The following SAT1 variants were observed in gnomAD, a reference collection of about 807,000 sequenced individuals.
The protein encoded by SAT1 is diamine acetyltransferase 1.
SAT1 carries 1 observed loss-of-function variant against 14.7 expected under a neutral mutation model. The observed-to-expected ratio is 0.07, with a 90% CI of 0.02 to 0.32. The LOEUF is 0.32. SAT1 is among the 10% of genes least tolerant of loss of function. The pLI, the probability that SAT1 is intolerant of heterozygous loss-of-function variation, is 1.00. For synonymous variants in SAT1, 67 were observed against 46.1 expected, an observed-to-expected ratio of 1.45 and a Z score of -1.84; for missense variants, 77 against 129.1, an observed-to-expected ratio of 0.60 and a Z score of 1.96.
In SAT1 at chrX:23,783,329, G is replaced by A. The variant is rs200874370; in HGVS notation, c.-23G>A. On this transcript the variant is annotated 5_prime_UTR_variant, in exon 1 of 6. Transcript: ENST00000379270. ...CAAGTACAGGGGCCTGGTCCGCAAA[G>A]GGAAGAAAAGCAAAAGACGAAAATG... is the stretch of plus-strand genomic sequence containing the variant. The A allele has an allele frequency of 2.5e-6, 3 of 1,206,055 alleles. No homozygotes were observed. Among genetic ancestry groups the A allele is most frequent in the Non-Finnish European group, 3.4e-6 (3 of 890,406 alleles).
At chrX:23,784,030 A>G (rs745565799) in intron 3 of SAT1, 147 bp downstream of exon 3, 122 of 849,254 alleles carry the variant, frequency 1.4e-4, no homozygotes, top group Non-Finnish European at 1.8e-4. Context: ...ACTACTGAGG[A>G]AAAAAAAAAA....
rs980707369 is a variant in SAT1, at chrX:23,783,378, C to T, written c.27C>T (p.Ala9=). 1.7e-6 allele frequency: 2 copies of T among 1,209,842 alleles called. No individual in the cohort carries two copies. The highest frequency in any genetic ancestry group is 1.1e-6 in the Non-Finnish European group (1 of 894,862). ...TGGCTAAATTCGTGATCCGCCCAGC[C>T]ACTGCCGCCGACTGCAGTGACATAC... MAKFVIRP[A]TAADCSDILR... is the part of the protein sequence containing the mutation. Residue 9 remains alanine, a synonymous_variant, in exon 1 of 6, where the codon GCC becomes GCT. Transcript: ENST00000379270.
chrX:23,783,952 G>C, intron 3 of SAT1, 69 bp downstream of exon 3: 1 of 1,208,657 alleles, frequency 8.3e-7, no homozygotes, highest in Non-Finnish European at 1.1e-6. Context: ...CGGCTGTGTA[G>C]AACCACTGAC....
At chrX:23,784,039 A>G (rs189004882) in intron 3 of SAT1, 156 bp downstream of exon 3, 2 of 1,135,386 alleles carry the variant, frequency 1.8e-6, no homozygotes, top group African/African-American at 3.7e-5. Flanking sequence ...GAAAAAAAAA[A>G]ATTAGATATG....
At chrX:23,783,576 C>CCCCCATA in intron 1 of SAT1, 82 bp from the exon 2 acceptor site, 3 of 745,008 alleles carry the variant, frequency 4.0e-6, no homozygotes, top group Non-Finnish European at 5.9e-6. Context: ...CGCCCGCCCG[C>CCCCCATA]CCCATTCCGT....
intron 3 of SAT1, chrX:23,784,246 T>A (rs1365139991): frequency 1.2e-6 from 1 of 866,715 alleles, no homozygotes; most frequent in African/African-American, 2.1e-5. Flanking sequence ...ACAGTTTTTG[T>A]AATTGTGTTA....
chrX:23,783,493 C>T, intron 1 of SAT1, 76 bp downstream of exon 1: 2 of 1,011,583 alleles, frequency 2.0e-6, no homozygotes, highest in Non-Finnish European at 2.7e-6. Flanking sequence ...TGATTCACGT[C>T]TTGAGGTCTC....
chrX:23,785,895 G>C lies in SAT1; in HGVS notation c.*39G>C. On this transcript the variant is annotated 3_prime_UTR_variant, in exon 6 of 6. Coordinates refer to ENST00000379270, the MANE Select transcript of SAT1 (RefSeq NM_002970.4). ...AGATGACAACCTCCATTCTATTTTA[G>C]AATAAATTCCCAACTTCTCTTGCTT... 1 of 1,077,650 alleles carries C rather than the reference G, an allele frequency of 9.3e-7. No homozygotes were observed. Among genetic ancestry groups the C allele is most frequent in the Middle Eastern group, 2.5e-4 (1 of 3,930 alleles). 88.8% of individuals were successfully genotyped at this position (1,077,650 alleles called of 1,213,427 possible). A position where few individuals can be genotyped will look rare whatever the true frequency, so the allele number is the denominator to read the frequency against.
chrX:23,783,313 G>GGGCC lies in SAT1; in HGVS notation c.-38_-35dup. 8.5e-7 allele frequency: 1 copy of GGGCC among 1,175,771 alleles called. No individual in the cohort carries two copies. Among genetic ancestry groups the GGGCC allele is most frequent in the Non-Finnish European group, 1.2e-6 (1 of 863,180 alleles). On this transcript the variant is annotated 5_prime_UTR_variant, in exon 1 of 6. Coordinates refer to ENST00000379270, the MANE Select transcript of SAT1 (RefSeq NM_002970.4). ...ACCTCCTCCTACTGTTCAAGTACAG[G>GGGCC]GGCCTGGTCCGCAAAGGGAAGAAAA...
At position 23,785,347 on chromosome X, in the gene SAT1, T is replaced by C. The variant is rs1249592198; in HGVS notation, c.222T>C (p.Phe74=). 8.3e-7 allele frequency: 1 copy of C among 1,204,172 alleles called. No individual in the cohort carries two copies. Among genetic ancestry groups the C allele is most frequent in the Non-Finnish European group, 1.1e-6 (1 of 888,208 alleles). ...TTACAGGACACAGCATTGTTGGTTT[T>C]GCCATGTACTATTTTACCTATGACC... ...WTPEGHSIVG[F]AMYYFTYDPW... is the part of the protein sequence containing the mutation. The change falls in exon 4 of 6, where the codon TTT becomes TTC. Residue 74 remains phenylalanine, a synonymous_variant. Transcript: ENST00000379270.
chrX:23,785,156 A>T, intron 3 of SAT1, 172 bp from the exon 4 acceptor site: 1 of 460,271 alleles, frequency 2.2e-6, no homozygotes, highest in Non-Finnish European at 3.8e-6. Context: ...GAGATCATCC[A>T]GCAGTGGCCT....
rs1407952930 is a variant in SAT1, at chrX:23,783,441, C to G, written c.66+24C>G. The G allele has an allele frequency of 3.4e-6, 4 of 1,184,768 alleles. No homozygotes were observed. In the South Asian group the frequency reaches 7.2e-5, roughly 21 times the overall value. ...AGGTAGCGGAGAGCCAGAGCTCCTC[C>G]CGGGGCGTGGGGTGGAGGTGGCTCC... On this transcript the variant is annotated intron_variant, in intron 1 of 5. Transcript: ENST00000379270.
Position 23,786,029 on chromosome X carries a change from G to A in SAT1, c.*173G>A. The A allele has an allele frequency of 2.5e-6, 1 of 392,748 alleles. No homozygotes were observed. The highest frequency in any genetic ancestry group is 4.4e-6 in the Non-Finnish European group (1 of 228,331). 32.4% of individuals were successfully genotyped at this position (392,748 alleles called of 1,213,427 possible). On this transcript the variant is annotated 3_prime_UTR_variant, in exon 6 of 6. Transcript: ENST00000379270. ...AGGTCTGTTTAAAGTGGCAATCTCA[G>A]ATGCAGTTTGGAGAGTCAGATCTTT... is the stretch of plus-strand genomic sequence containing the variant.
At chrX:23,785,247 A>G (rs1303815749) in intron 3 of SAT1, 81 bp from the exon 4 acceptor site, 1 of 714,140 alleles carries the variant, frequency 1.4e-6, no homozygotes, top group East Asian at 3.2e-5. Context: ...TTTAAAACCT[A>G]TGATAGGCCT....
intron 1 of SAT1, 84 bp from the exon 2 acceptor site, chrX:23,783,574 C>CCCCCCCAAA: frequency 1.4e-6 from 1 of 718,046 alleles, no homozygotes; most frequent in Non-Finnish European, 2.0e-6. Flanking sequence ...CCCGCCCGCC[C>CCCCCCCAAA]GCCCCATTCC....
At chrX:23,783,574 C>CCCCCCCAAACCAAA in intron 1 of SAT1, 84 bp from the exon 2 acceptor site, 1 of 718,045 alleles carries the variant, frequency 1.4e-6, no homozygotes, top group Non-Finnish European at 2.0e-6. Context: ...CCCGCCCGCC[C>CCCCCCCAAACCAAA]GCCCCATTCC....
Position 23,785,903 on chromosome X carries a change from T to G in SAT1, c.*47T>G, listed in dbSNP as rs1277605307. On this transcript the variant is annotated 3_prime_UTR_variant, in exon 6 of 6. Transcript: ENST00000379270. Reference sequence around the variant, plus strand: ...ACCTCCATTCTATTTTAGAATAAATTCCCAACTTCTCTTGCTTTCTATGCT... The same window carrying G: ...ACCTCCATTCTATTTTAGAATAAATGCCCAACTTCTCTTGCTTTCTATGCT... The G allele has an allele frequency of 3.9e-6, 4 of 1,028,883 alleles. No homozygotes were observed. The highest frequency in any genetic ancestry group is 5.2e-6 in the Non-Finnish European group (4 of 762,593). 84.8% of individuals were successfully genotyped at this position (1,028,883 alleles called of 1,213,427 possible). A position where few individuals can be genotyped will look rare whatever the true frequency, so the allele number is the denominator to read the frequency against.
intron 3 of SAT1, among the ~76,000 whole-genome samples, chrX:23,784,567 C>CTT (rs1569214006): frequency 2.6e-5 from 1 of 37,823 alleles, no homozygotes; most frequent in Non-Finnish European, 6.1e-5. Context: ...GTGTCAGATG[C>CTT]CTTTTTTTTT....
rs1601854912 is a variant in SAT1, at chrX:23,783,218, C to T, written c.-134C>T. 1.8e-6 allele frequency: 1 copy of T among 561,639 alleles called. No individual in the cohort carries two copies. 46.3% of individuals were successfully genotyped at this position (561,639 alleles called of 1,213,427 possible). ...CCGACTGGTGTTTATCCGTCACTCG[C>T]CGAGGTTCCTTGGGTCATGGTGCCA... On this transcript the variant is annotated 5_prime_UTR_variant, in exon 1 of 6. Transcript: ENST00000379270.
Sources: allele counts gnomAD v4.1 joint callset (sites outside exome capture counted in the v4.1 genomes callset), GRCh38; gene constraint gnomAD v4.1.1; transcripts MANE v1.5; gene names NCBI Gene and HGNC (gene_info 2026-07-23, HGNC 2026-07-21).